Variants in ELFN1 observed in about 807,000 individuals in gnomAD.
The protein encoded by ELFN1 is protein ELFN1.
ELFN1 carries 6 observed loss-of-function variants against 7.6 expected under a neutral mutation model. That is an observed-to-expected ratio of 0.79 (90% CI 0.43 to 1.56). ELFN1 has a LOEUF of 1.56. Ranked by LOEUF, ELFN1 falls within the 40% of genes most tolerant of loss-of-function variation. ELFN1 has a pLI of 0.01. For missense variants in ELFN1, 1,169 were observed against 1,232.2 expected (o/e 0.95, Z 0.77); for synonymous variants, 657 against 588.1 (o/e 1.12, Z -1.70).
At chr7:1,724,855 C>T (rs1780141583) in intron 3 of ELFN1, among the ~76,000 whole-genome samples, 1 of 152,218 alleles carries the variant, frequency 6.6e-6, no homozygotes, top group African/African-American at 2.4e-5. Flanking sequence ...CCCTGGCACC[C>T]CTTTTGGCCT....
At chr7:1,724,690 G>C (rs976921302) in intron 3 of ELFN1, among the ~76,000 whole-genome samples, 5 of 151,816 alleles carry the variant, frequency 3.3e-5, no homozygotes, top group Non-Finnish European at 7.4e-5. Flanking sequence ...GCCAGAGCCC[G>C]GGGCCCCATG....
intron 1 of ELFN1, among the ~76,000 whole-genome samples, chr7:1,687,812 T>C (rs1486863181): frequency 1.3e-5 from 2 of 152,218 alleles, no homozygotes; most frequent in Non-Finnish European, 2.9e-5. Context: ...CACCTTTTCA[T>C]AAGTTTATTG....
chr7:1,732,689 C>T (rs531932674), intron 3 of ELFN1, among the ~76,000 whole-genome samples: 11 of 152,124 alleles, frequency 7.2e-5, no homozygotes, highest in South Asian at 2.1e-4. Context: ...TTCCCCGAGC[C>T]GCAAAGCAGG....
At chr7:1,720,329 C>T (rs1779980920) in intron 3 of ELFN1, among the ~76,000 whole-genome samples, 1 of 152,232 alleles carries the variant, frequency 6.6e-6, no homozygotes, top group African/African-American at 2.4e-5. Flanking sequence ...CAGGCTTCCT[C>T]TGCCTGCCCT....
chr7:1,677,787 T>G (rs1272697321), intron 1 of ELFN1, among the ~76,000 whole-genome samples: 1 of 152,096 alleles, frequency 6.6e-6, no homozygotes, highest in Non-Finnish European at 1.5e-5. Flanking sequence ...TTTCTTTTTT[T>G]TTGCAAATTC....
At chr7:1,708,263 G>A (rs779568981) in intron 2 of ELFN1, among the ~76,000 whole-genome samples, 1 of 152,192 alleles carries the variant, frequency 6.6e-6, no homozygotes, top group Non-Finnish European at 1.5e-5. Context: ...GTGCCACCTC[G>A]TGGTGAAGGA....
In ELFN1 at chr7:1,688,059, G is replaced by C. The variant is rs1779090950; in HGVS notation, c.-547G>C. ...TTTTTTTTTTTTTTTTTTTTGTAGA[G>C]ACAGAGTCTCCCTGTGTTGCCCAGA... On this transcript the variant is annotated splice_region_variant and 5_prime_UTR_variant, in exon 2 of 4. Transcript: ENST00000424383. 7.4e-6 allele frequency: 1 copy of C among 134,774 alleles called. No individual in the cohort carries two copies. The allele number at this position is 134,774 out of a possible 1,614,324, so 8.3% of individuals were successfully genotyped here. A position where few individuals can be genotyped will look rare whatever the true frequency, so the allele number is the denominator to read the frequency against.
At chr7:1,679,067 A>G (rs1778924905) in intron 1 of ELFN1, among the ~76,000 whole-genome samples, 1 of 151,988 alleles carries the variant, frequency 6.6e-6, no homozygotes, top group Non-Finnish European at 1.5e-5. Context: ...GTTACACACT[A>G]ATGATTATGC....
At chr7:1,680,306 A>G (rs1778950943) in intron 1 of ELFN1, among the ~76,000 whole-genome samples, 2 of 152,280 alleles carry the variant, frequency 1.3e-5, no homozygotes, top group East Asian at 3.9e-4. Context: ...AAGGTACCCC[A>G]AGGTCACGGG....
In ELFN1 at chr7:1,744,507, C is replaced by T. The variant is rs992435162; in HGVS notation, c.-90C>T. 4.5e-5 allele frequency: 62 copies of T among 1,371,780 alleles called. No homozygotes were observed. The African/African-American group carries it at 4.6e-4, about 10-fold the overall frequency. 85.0% of individuals were successfully genotyped at this position (1,371,780 alleles called of 1,614,324 possible). A position where few individuals can be genotyped will look rare whatever the true frequency, so the allele number is the denominator to read the frequency against. On this transcript the variant is annotated 5_prime_UTR_variant, in exon 4 of 4. Transcript: ENST00000424383. ...TGAGAGTGCAGGCACCTCCCCCTCC[C>T]GCCCCTCCATCCCTCTGGGGGCTGG...
intron 3 of ELFN1, among the ~76,000 whole-genome samples, chr7:1,732,090 A>G (rs1780336607): frequency 6.6e-6 from 1 of 152,166 alleles, no homozygotes; most frequent in African/African-American, 2.4e-5. Context: ...GGTGGACTCT[A>G]GGTGGAGATA....
chr7:1,722,342 C>T (rs528046585), intron 3 of ELFN1, among the ~76,000 whole-genome samples: 48 of 150,914 alleles, frequency 3.2e-4, no homozygotes, highest in Non-Finnish European at 5.9e-4. Flanking sequence ...TCTCGGCTCA[C>T]TGCAACCTCC....
intron 2 of ELFN1, among the ~76,000 whole-genome samples, chr7:1,704,945 G>A (rs903329486): frequency 1.3e-5 from 2 of 152,186 alleles, no homozygotes; most frequent in African/African-American, 2.4e-5. Flanking sequence ...CCGTCAGAAT[G>A]TGGAGACGGG....
intron 2 of ELFN1, among the ~76,000 whole-genome samples, chr7:1,696,191 T>C (rs11978106): frequency 5.4e-4 from 82 of 151,512 alleles, no homozygotes; most frequent in African/African-American, 1.7e-3. Context: ...TGTGTGTGTG[T>C]GTGCGTGTGT....
chr7:1,746,672 C>G lies in ELFN1; in HGVS notation c.2076C>G (p.Ala692=). ...CACCCGCGGCCGCCGTGCTGCGGGC[C>G]GAGGCCGAGAAGGGTCGCCAGTACG... ...TVTPAAAVLR[A]EAEKGRQYGE... Residue 692 remains alanine, a synonymous_variant, in exon 4 of 4, where the codon GCC becomes GCG. Transcript: ENST00000424383. The G allele has an allele frequency of 7.2e-7, 1 of 1,395,286 alleles. No individual in the cohort carries two copies. Among genetic ancestry groups the G allele is most frequent in the Non-Finnish European group, 9.2e-7 (1 of 1,081,274 alleles). The allele number at this position is 1,395,286 out of a possible 1,614,324, so 86.4% of individuals were successfully genotyped here. A position where few individuals can be genotyped will look rare whatever the true frequency, so the allele number is the denominator to read the frequency against.
intron 2 of ELFN1, among the ~76,000 whole-genome samples, chr7:1,700,846 C>T (rs1163180149): frequency 2.6e-5 from 4 of 152,210 alleles, no homozygotes; most frequent in Admixed American, 6.5e-5. Flanking sequence ...ATTTGAATTT[C>T]GCTGGCGAGT....
chr7:1,688,715 C>G (rs529947365), intron 2 of ELFN1, among the ~76,000 whole-genome samples: 2 of 152,256 alleles, frequency 1.3e-5, no homozygotes, highest in South Asian at 4.1e-4. Flanking sequence ...CAGTTCCCCC[C>G]AGTGGCAACA....
At chr7:1,701,963 A>G (rs529256814) in intron 2 of ELFN1, among the ~76,000 whole-genome samples, 2 of 152,068 alleles carry the variant, frequency 1.3e-5, no homozygotes, top group African/African-American at 2.4e-5. Flanking sequence ...ATTTTTTCCC[A>G]TATATATTCA....
chr7:1,732,393 C>T (rs539951004), intron 3 of ELFN1, among the ~76,000 whole-genome samples: 1 of 152,258 alleles, frequency 6.6e-6, no homozygotes, highest in East Asian at 1.9e-4. Flanking sequence ...GGACTCTCTC[C>T]AGGGTACTGG....
Sources: gnomAD v4.1 joint callset for allele counts (sites outside exome capture counted in the v4.1 genomes callset) on GRCh38, gnomAD v4.1.1 for gene constraint, MANE v1.5 for transcripts, NCBI Gene and HGNC (gene_info 2026-07-23, HGNC 2026-07-21) for gene names.